Variants in TEX14 observed in about 807,000 individuals in gnomAD.
The protein encoded by TEX14 is inactive serine/threonine-protein kinase TEX14.
In TEX14, 168 loss-of-function variants were observed where a neutral mutation model predicts 178.6. That is an observed-to-expected ratio of 0.94 (90% confidence interval 0.83 to 1.07). TEX14 has a LOEUF of 1.07. TEX14 is among the 50% of genes least tolerant of loss of function. The pLI is 0.00. For synonymous variants in TEX14, 626 were observed against 634.1 expected, an observed-to-expected ratio of 0.99 and a Z score of 0.19; for missense variants, 1,730 against 1,753.6, an observed-to-expected ratio of 0.99 and a Z score of 0.24.
At chr17:58,577,979 T>A (rs1400490354) in intron 20 of TEX14, among the ~76,000 whole-genome samples, 2 of 152,158 alleles carry the variant, frequency 1.3e-5, no homozygotes, top group African/African-American at 2.4e-5. Flanking sequence ...CTGAAGTTAC[T>A]CCTCCCCAGT....
At position 58,600,072 on chromosome 17, in the gene TEX14, A is replaced by G. The variant is rs997851542; in HGVS notation, c.1679-406T>C. Among the ~76,000 whole-genome samples the G allele has an allele frequency of 1.3e-5, 2 of 152,066 alleles. 1 individual carries two copies. The highest frequency in any genetic ancestry group is 4.8e-5 in the African/African-American group (2 of 41,392). Reference sequence around the variant, plus strand: ...GCTCTCAAACTCCTGGCTTTAAGTGATCCTCCCGTCTCACTCTCCCAAAGT... The same window carrying G: ...GCTCTCAAACTCCTGGCTTTAAGTGGTCCTCCCGTCTCACTCTCCCAAAGT... On this transcript the variant is annotated intron_variant, in intron 13 of 31. Transcript: ENST00000349033.
At chr17:58,570,596 C>A in intron 24 of TEX14, 112 bp from the exon 25 acceptor site, 3 of 474,388 alleles carry the variant, frequency 6.3e-6, no homozygotes, top group Non-Finnish European at 7.4e-6. Context: ...ACTCACATGT[C>A]ACCTCCTCTG....
intron 1 of TEX14, chr17:58,661,297 T>C (rs2047104956): frequency 1.2e-6 from 1 of 815,384 alleles, no homozygotes; most frequent in South Asian, 1.3e-5. Flanking sequence ...GCAAATGATC[T>C]AGACGCTTAC....
intron 2 of TEX14, among the ~76,000 whole-genome samples, chr17:58,650,057 TTTTG>T (rs2046806837): frequency 6.7e-6 from 1 of 148,312 alleles, no homozygotes; most frequent in African/African-American, 2.5e-5. Flanking sequence ...TTATTTTTGT[TTTTG>T]TTTTTGTTTT....
At chr17:58,641,386 G>A (rs2046571405) in intron 2 of TEX14, among the ~76,000 whole-genome samples, 1 of 151,802 alleles carries the variant, frequency 6.6e-6, no homozygotes, top group Non-Finnish European at 1.5e-5. Flanking sequence ...TCCAGCCTGG[G>A]CAACAAGACT....
intron 2 of TEX14, among the ~76,000 whole-genome samples, chr17:58,639,226 GAT>G (rs770204039): frequency 7.2e-5 from 11 of 151,998 alleles, no homozygotes; most frequent in Non-Finnish European, 1.5e-4. Flanking sequence ...TGTTTTCACT[GAT>G]ATGTGGGAGC....
At chr17:58,576,814 T>C (rs1183536701) in intron 21 of TEX14, among the ~76,000 whole-genome samples, 1 of 152,218 alleles carries the variant, frequency 6.6e-6, no homozygotes, top group Non-Finnish European at 1.5e-5. Flanking sequence ...CTCAGCATAA[T>C]TCTCTGGAAA....
At chr17:58,606,830 C>A (rs2045618473) in intron 10 of TEX14, among the ~76,000 whole-genome samples, 1 of 151,628 alleles carries the variant, frequency 6.6e-6, no homozygotes, top group African/African-American at 2.4e-5. Flanking sequence ...GAATTCAAGA[C>A]CAGCCTGGCC....
At chr17:58,595,912 C>T (rs571473155) in intron 14 of TEX14, among the ~76,000 whole-genome samples, 7 of 152,364 alleles carry the variant, frequency 4.6e-5, no homozygotes, top group South Asian at 2.1e-4. Flanking sequence ...AGGCCGGGCG[C>T]GGTCGCTCAC....
intron 2 of TEX14, among the ~76,000 whole-genome samples, chr17:58,644,989 CTT>C (rs1162304177): frequency 2.5e-3 from 335 of 135,548 alleles, no homozygotes; most frequent in African/African-American, 8.6e-3. Context: ...TTTTTCTTAA[CTT>C]TTTTTTTTTT....
At chr17:58,659,255 G>T (rs968079179) in intron 1 of TEX14, 10 of 759,228 alleles carry the variant, frequency 1.3e-5, no homozygotes, top group Non-Finnish European at 1.6e-5. Context: ...CCTCCCCCAA[G>T]AAAAACACTT....
At chr17:58,560,631 C>T (rs1488780373) in intron 29 of TEX14, among the ~76,000 whole-genome samples, 1 of 152,220 alleles carries the variant, frequency 6.6e-6, no homozygotes, top group Non-Finnish European at 1.5e-5. Flanking sequence ...TATTTGAGGG[C>T]AGCTATCAAA....
At chr17:58,612,634 C>T (rs1356575225) in intron 9 of TEX14, among the ~76,000 whole-genome samples, 1 of 149,902 alleles carries the variant, frequency 6.7e-6, no homozygotes. Flanking sequence ...ACTTGGGAGG[C>T]TGAGGCATGA....
At position 58,611,293 on chromosome 17, in the gene TEX14, A is replaced by T; in HGVS notation, c.1052T>A (p.Leu351Gln). 6.2e-7 allele frequency: 1 copy of T among 1,613,530 alleles called. No homozygotes were observed. The highest frequency in any genetic ancestry group is 8.5e-7 in the Non-Finnish European group (1 of 1,179,540). Reference sequence around the variant, plus strand: ...TCTCAGGGCATCAGATATCTGGAGCAGCAGGTGCACAATCACCTCCATGTG... The same window carrying T: ...TCTCAGGGCATCAGATATCTGGAGCTGCAGGTGCACAATCACCTCCATGTG... ...VLHMEVIVHL[L>Q]LQISDALRYL... The change falls in exon 10 of 32, where the codon CTG (leucine) becomes CAG (glutamine). Residue 351 changes from leucine (L) to glutamine (Q), a missense_variant. Transcript: ENST00000349033.
At chr17:58,656,848 G>A (rs939289550) in intron 1 of TEX14, among the ~76,000 whole-genome samples, 6 of 149,710 alleles carry the variant, frequency 4.0e-5, no homozygotes, top group African/African-American at 1.5e-4. Context: ...ACTTGAACCT[G>A]GGAGGTGGAG....
At chr17:58,579,370 G>C (rs2044755497) in intron 20 of TEX14, among the ~76,000 whole-genome samples, 1 of 152,196 alleles carries the variant, frequency 6.6e-6, no homozygotes, top group Non-Finnish European at 1.5e-5. Flanking sequence ...GCACACCAAG[G>C]AGCCTGAAAG....
In TEX14 at chr17:58,669,690, C is replaced by T. The variant is rs546898893; in HGVS notation, c.-1-17688G>A. 7.1e-5 allele frequency among the ~76,000 whole-genome samples: 10 copies of T among 141,840 alleles called. No homozygotes were observed. The South Asian group carries it at 8.9e-4, about 13-fold the overall frequency. 93.1% of individuals were successfully genotyped at this position (141,840 alleles called of 152,430 possible). A position where few individuals can be genotyped will look rare whatever the true frequency, so the allele number is the denominator to read the frequency against. On this transcript the variant is annotated intron_variant, in intron 1 of 31. Transcript: ENST00000349033. ...CAGAGGTTGCAGGGAGCTGAGATCA[C>T]GCCACTGCACTCTAGACTGGGCAAC...
At chr17:58,643,204 A>G (rs1173334370) in intron 2 of TEX14, among the ~76,000 whole-genome samples, 3 of 152,058 alleles carry the variant, frequency 2.0e-5, no homozygotes, top group Admixed American at 6.6e-5. Flanking sequence ...TCCTCCCCCA[A>G]TAAAGCTGGC....
intron 13 of TEX14, among the ~76,000 whole-genome samples, chr17:58,601,518 T>C (rs185607533): frequency 6.6e-4 from 88 of 133,574 alleles, no homozygotes; most frequent in Admixed American, 1.7e-3. Context: ...CAAGATTCCA[T>C]CTCAAAAAAA....
Sources: gnomAD v4.1 joint callset for allele counts (sites outside exome capture counted in the v4.1 genomes callset) on GRCh38, gnomAD v4.1.1 for gene constraint, MANE v1.5 for transcripts, NCBI Gene and HGNC (gene_info 2026-07-23, HGNC 2026-07-21) for gene names.